XIRP2: variants seen among roughly 807,000 people sequenced by gnomAD.
The protein encoded by XIRP2 is xin actin-binding repeat-containing protein 2.
Under a neutral mutation model 277.0 loss-of-function variants are expected in XIRP2, and 236 were observed. That is an observed-to-expected ratio of 0.85 (90% CI 0.77 to 0.95). The LOEUF (loss-of-function observed/expected upper bound fraction) is 0.95, where lower values mean the gene tolerates loss of function less well. Among genes scored for constraint, XIRP2 ranks in the 40% least tolerant of loss-of-function variants. XIRP2 has a pLI of 0.00. For missense variants in XIRP2, 4,640 were observed against 4,157.5 expected, an observed-to-expected ratio of 1.12 and a Z score of -3.19; for synonymous variants, 1,490 against 1,416.5, an observed-to-expected ratio of 1.05 and a Z score of -1.17.
At chr2:167,034,319 A>G (rs115601870) in intron 2 of XIRP2, among the ~76,000 whole-genome samples, 2,325 of 152,230 alleles carry the variant, frequency 0.015, 55 homozygotes, top group African/African-American at 0.053. Context: ...AAAAATCAAG[A>G]TATTAAAACA....
intron 2 of XIRP2, among the ~76,000 whole-genome samples, chr2:166,914,161 C>A (rs182132165): frequency 3.2e-4 from 49 of 152,240 alleles, no homozygotes; most frequent in Admixed American, 2.4e-3. Flanking sequence ...ATGAAAGAAG[C>A]AAAGGCTGAC....
intron 2 of XIRP2, among the ~76,000 whole-genome samples, chr2:167,024,512 G>C (rs1688092074): frequency 6.6e-6 from 1 of 152,096 alleles, no homozygotes; most frequent in East Asian, 1.9e-4. Flanking sequence ...TGGTGAGAGA[G>C]GGCATCCCTG....
chr2:167,137,251 A>G lies in XIRP2; in HGVS notation c.562+1189A>G, dbSNP rs144611076. On this transcript the variant is annotated intron_variant, in intron 3 of 10. Coordinates refer to ENST00000409195, the MANE Select transcript of XIRP2 (RefSeq NM_152381.6). ...GGACTGGGCATGGATTTCTAAATAC[A>G]TGTAAATTGAGATTTCAATCTCTTT... Among the ~76,000 whole-genome samples, 41 of 152,312 alleles carry G rather than the reference A, an allele frequency of 2.7e-4. No homozygotes were observed. The East Asian group carries it at 2.9e-3, about 11-fold the overall frequency.
At chr2:167,086,341 G>A (rs1574240629) in intron 2 of XIRP2, among the ~76,000 whole-genome samples, 1 of 152,042 alleles carries the variant, frequency 6.6e-6, no homozygotes, top group African/African-American at 2.4e-5. Flanking sequence ...TCCCTTTGAG[G>A]GTAACCCAAC....
chr2:167,212,789 G>C (rs780364361), intron 4 of XIRP2, among the ~76,000 whole-genome samples: 1 of 152,080 alleles, frequency 6.6e-6, no homozygotes, highest in Non-Finnish European at 1.5e-5. Context: ...TTGTGAGAAA[G>C]AAGAGCACAT....
Position 167,243,599 on chromosome 2 carries a change from T to C in XIRP2, c.2207T>C (p.Phe736Ser). 1 of 1,614,040 alleles carries C rather than the reference T, an allele frequency of 6.2e-7. No homozygotes were observed. Among genetic ancestry groups the C allele is most frequent in the Non-Finnish European group, 8.5e-7 (1 of 1,179,986 alleles). The change falls in exon 9 of 11, where the codon TTC becomes TCC. Residue 736 changes from phenylalanine to serine, a missense_variant. Transcript: ENST00000409195. ...AATGTTAAAAGAAGTATAAAATGTT[T>C]CGAAACTCAACCATTATATGTTATT... ...KGNVKRSIKC[F>S]ETQPLYVIRD...
rs1456701299 is a variant in XIRP2, at chr2:167,243,178, G to A, written c.1786G>A (p.Glu596Lys). 6.2e-7 allele frequency: 1 copy of A among 1,614,122 alleles called. No individual in the cohort carries two copies. The highest frequency in any genetic ancestry group is 8.5e-7 in the Non-Finnish European group (1 of 1,179,998). ...LDSINNGSPD[E>K]GDISRGIADQ... Reference sequence around the variant, plus strand: ...TTCCATCAACAATGGCTCTCCTGATGAAGGTGATATTTCCAGGGGCATTGC... The same window carrying A: ...TTCCATCAACAATGGCTCTCCTGATAAAGGTGATATTTCCAGGGGCATTGC... The change falls in exon 9 of 11, where the codon GAA becomes AAA. Residue 596 changes from glutamate to lysine, a missense_variant. By Grantham distance (56) the Glu-to-Lys change is moderately conservative. Coordinates refer to ENST00000409195, the MANE Select transcript of XIRP2 (RefSeq NM_152381.6).
intron 2 of XIRP2, among the ~76,000 whole-genome samples, chr2:166,925,604 T>C (rs868664462): frequency 1.6e-5 from 2 of 127,036 alleles, no homozygotes; most frequent in Non-Finnish European, 3.1e-5. Flanking sequence ...TACATATATA[T>C]ATATATATAT....
At chr2:166,927,518 C>G (rs895297742) in intron 2 of XIRP2, among the ~76,000 whole-genome samples, 1 of 152,092 alleles carries the variant, frequency 6.6e-6, no homozygotes, top group African/African-American at 2.4e-5. Context: ...CTCTGGCCCA[C>G]AGCCCCCTTC....
chr2:167,241,602 G>A (rs1358676724), intron 7 of XIRP2, among the ~76,000 whole-genome samples, 175 bp from the exon 8 acceptor site: 1 of 152,048 alleles, frequency 6.6e-6, no homozygotes, highest in Non-Finnish European at 1.5e-5. Context: ...TAGAGACAGG[G>A]TCTGGCTATG....
intron 3 of XIRP2, among the ~76,000 whole-genome samples, chr2:167,173,436 C>T (rs1270615467): frequency 6.6e-6 from 1 of 152,166 alleles, no homozygotes; most frequent in Non-Finnish European, 1.5e-5. Flanking sequence ...CCATTTTCAT[C>T]CATGTTGTTG....
In XIRP2 at chr2:167,082,550, A is replaced by C. The variant is rs562930784; in HGVS notation, c.409-53359A>C. ...ACTTCCACAATGGTTGAACTAGTTT[A>C]CAGTCCCACCAACAGTGTAAAAGTG... On this transcript the variant is annotated intron_variant, in intron 2 of 10. Transcript: ENST00000409195. Among the ~76,000 whole-genome samples, 67 of 152,244 alleles carry C rather than the reference A, an allele frequency of 4.4e-4. 1 individual carries two copies. Among genetic ancestry groups the C allele is most frequent in the South Asian group, 4.3e-3 (21 of 4,828 alleles).
At chr2:167,089,293 C>G (rs938691475) in intron 2 of XIRP2, among the ~76,000 whole-genome samples, 5 of 152,102 alleles carry the variant, frequency 3.3e-5, no homozygotes, top group Non-Finnish European at 7.3e-5. Context: ...TTCCGTGTCT[C>G]CTTGGCTACT....
At chr2:166,926,615 C>A (rs979081394) in intron 2 of XIRP2, among the ~76,000 whole-genome samples, 3 of 152,178 alleles carry the variant, frequency 2.0e-5, no homozygotes, top group Admixed American at 2.0e-4. Flanking sequence ...ACACTAGTGT[C>A]CTATTTGACA....
At chr2:167,029,258 G>T (rs926426849) in intron 2 of XIRP2, among the ~76,000 whole-genome samples, 6 of 152,036 alleles carry the variant, frequency 3.9e-5, no homozygotes, top group Non-Finnish European at 7.4e-5. Context: ...AACAGGTGTG[G>T]TGAGAGAGGG....
At chr2:166,908,930 T>C (rs557287951) in intron 2 of XIRP2, among the ~76,000 whole-genome samples, 1 of 152,332 alleles carries the variant, frequency 6.6e-6, no homozygotes, top group African/African-American at 2.4e-5. Flanking sequence ...TGGTTGTAGA[T>C]GTGTGCTATT....
intron 3 of XIRP2, among the ~76,000 whole-genome samples, chr2:167,155,200 T>G (rs1055507080): frequency 3.3e-5 from 5 of 150,866 alleles, no homozygotes; most frequent in African/African-American, 1.2e-4. Flanking sequence ...CTTCTGAAAC[T>G]ATTCCAATCA....
intron 2 of XIRP2, among the ~76,000 whole-genome samples, chr2:167,052,052 C>T (rs1688926352): frequency 6.6e-6 from 1 of 151,880 alleles, no homozygotes; most frequent in Non-Finnish European, 1.5e-5. Context: ...GTGACTACTA[C>T]AAGCTAAGGA....
intron 2 of XIRP2, among the ~76,000 whole-genome samples, chr2:166,961,483 C>T (rs1286257121): frequency 6.6e-6 from 1 of 151,736 alleles, no homozygotes; most frequent in East Asian, 1.9e-4. Context: ...AATTAGCCTT[C>T]AAACAGCTAA....
Sources: allele counts gnomAD v4.1 joint callset (sites outside exome capture counted in the v4.1 genomes callset), GRCh38; gene constraint gnomAD v4.1.1; transcripts MANE v1.5; gene names NCBI Gene and HGNC (gene_info 2026-07-23, HGNC 2026-07-21).